Variants in SYNGR4 observed in about 807,000 individuals in gnomAD.
The protein encoded by SYNGR4 is synaptogyrin-4.
SYNGR4 carries 15 observed loss-of-function variants against 15.5 expected under a neutral mutation model. The observed-to-expected ratio is 0.97, with a 90% CI of 0.65 to 1.49. The LOEUF is 1.49. Ranked by LOEUF, SYNGR4 falls within the 40% of genes most tolerant of loss-of-function variation. SYNGR4 has a pLI of 0.00. For missense variants in SYNGR4, 292 were observed against 299.3 expected, an observed-to-expected ratio of 0.98 and a Z score of 0.18; for synonymous variants, 121 against 127.4, an observed-to-expected ratio of 0.95 and a Z score of 0.34.
At position 48,372,575 on chromosome 19, in the gene SYNGR4, C is replaced by T. The variant is rs542851587; in HGVS notation, c.94-942C>T. Among the ~76,000 whole-genome samples the T allele has an allele frequency of 3.7e-4, 56 of 151,682 alleles. 1 individual carries two copies. Among genetic ancestry groups the T allele is most frequent in the African/African-American group, 1.1e-3 (47 of 41,416 alleles). On this transcript the variant is annotated intron_variant, in intron 2 of 4. Coordinates refer to ENST00000344846, the MANE Select transcript of SYNGR4 (RefSeq NM_012451.4). Reference sequence around the variant, plus strand: ...TGAGGCAGGAGAATGGCGTGAACCCCGGGGGCCGGAGCCTGCAGTGAGCCG... The same window carrying T: ...TGAGGCAGGAGAATGGCGTGAACCCTGGGGGCCGGAGCCTGCAGTGAGCCG...
At chr19:48,366,431 G>T (rs972641945) in intron 2 of SYNGR4, among the ~76,000 whole-genome samples, 1 of 151,448 alleles carries the variant, frequency 6.6e-6, no homozygotes, top group Non-Finnish European at 1.5e-5. Context: ...AAACAGTTTC[G>T]CTCTGTTGCC....
At chr19:48,365,168 G>A (rs1970175731) in intron 1 of SYNGR4, among the ~76,000 whole-genome samples, 1 of 150,030 alleles carries the variant, frequency 6.7e-6, no homozygotes, top group South Asian at 2.1e-4. Flanking sequence ...ACCCCTGGCA[G>A]CCCTCCCCAC....
At chr19:48,365,486 C>T (rs1323512688) in intron 1 of SYNGR4, among the ~76,000 whole-genome samples, 2 of 142,642 alleles carry the variant, frequency 1.4e-5, no homozygotes, top group Non-Finnish European at 3.1e-5. Flanking sequence ...CAGAAGCCCC[C>T]TCAGCACACA....
At chr19:48,365,646 C>T in intron 1 of SYNGR4, 90 bp from the exon 2 acceptor site, 3 of 245,048 alleles carry the variant, frequency 1.2e-5, no homozygotes, top group Admixed American at 4.9e-5. Flanking sequence ...CCCCCCCCAT[C>T]CCCACCCCAT....
chr19:48,376,056 G>A (rs1222915243), intron 4 of SYNGR4, 29 bp from the exon 5 acceptor site: 1 of 1,614,036 alleles, frequency 6.2e-7, no homozygotes, highest in East Asian at 2.2e-5. Context: ...GCCCAAGTCA[G>A]CCTTCAGCAC....
At chr19:48,373,442 C>T (rs1970341761) in intron 2 of SYNGR4, 75 bp from the exon 3 acceptor site, 5 of 1,303,608 alleles carry the variant, frequency 3.8e-6, no homozygotes, top group Middle Eastern at 1.8e-4. Flanking sequence ...ACGGAAAGAC[C>T]GACAGCACCA....
intron 2 of SYNGR4, among the ~76,000 whole-genome samples, chr19:48,371,644 C>T (rs1239373379): frequency 6.7e-6 from 1 of 150,354 alleles, no homozygotes; most frequent in Admixed American, 6.6e-5. Context: ...GTGGCACAAT[C>T]AGGGCTTACT....
Position 48,373,592 on chromosome 19 carries a change from T to A in SYNGR4, c.169T>A (p.Cys57Ser). The change falls in exon 3 of 5, where the codon TGC becomes AGC. Residue 57 changes from cysteine (C) to serine (S), a missense_variant. Coordinates refer to ENST00000344846, the MANE Select transcript of SYNGR4 (RefSeq NM_012451.4). ...CAAGATGGAGTCTCCGCAGCTCCAC[T>A]GCATTCTCAACAGCAACAGCGTGGC... ...QNKMESPQLH[C>S]ILNSNSVACS... The A allele has an allele frequency of 6.2e-7, 1 of 1,613,878 alleles. No homozygotes were observed. Among genetic ancestry groups the A allele is most frequent in the Non-Finnish European group, 8.5e-7 (1 of 1,180,000 alleles).
chr19:48,369,310 G>A (rs1569044801), intron 2 of SYNGR4, among the ~76,000 whole-genome samples: 2 of 151,996 alleles, frequency 1.3e-5, no homozygotes, highest in Non-Finnish European at 2.9e-5. Flanking sequence ...GAGGGATAGG[G>A]TCCCTCTAGC....
At position 48,376,080 on chromosome 19, in the gene SYNGR4, C is replaced by A; in HGVS notation, c.472-5C>A. 1 of 1,614,136 alleles carries A rather than the reference C, an allele frequency of 6.2e-7. No homozygotes were observed. Among genetic ancestry groups the A allele is most frequent in the Non-Finnish European group, 8.5e-7 (1 of 1,180,022 alleles). On this transcript the variant is annotated splice_region_variant and splice_polypyrimidine_tract_variant and intron_variant, in intron 4 of 4. Coordinates refer to ENST00000344846, the MANE Select transcript of SYNGR4 (RefSeq NM_012451.4). The stretch of plus-strand genomic sequence containing the variant: ...AGCCTTCAGCACGCGCTTTTCTGCC[C>A]ACAGATATTCCAGGCCTACCTGGCA...
chr19:48,367,076 C>T (rs989448063), intron 2 of SYNGR4, among the ~76,000 whole-genome samples: 3 of 151,634 alleles, frequency 2.0e-5, no homozygotes, highest in Non-Finnish European at 4.4e-5. Context: ...ATGGCTTGAG[C>T]CCATGTGGCG....
At chr19:48,367,431 TAA>T (rs112566804) in intron 2 of SYNGR4, among the ~76,000 whole-genome samples, 5 of 143,432 alleles carry the variant, frequency 3.5e-5, no homozygotes, top group African/African-American at 5.1e-5. Context: ...AGACTCCATT[TAA>T]AAAAAAAAAA....
chr19:48,366,397 A>G (rs544631232), intron 2 of SYNGR4, among the ~76,000 whole-genome samples: 5 of 151,482 alleles, frequency 3.3e-5, no homozygotes, highest in African/African-American at 9.7e-5. Context: ...CTCAAAAAAA[A>G]AAAAAAGAAA....
intron 2 of SYNGR4, 102 bp downstream of exon 2, chr19:48,366,037 A>G: frequency 7.9e-7 from 1 of 1,258,206 alleles, no homozygotes; most frequent in Admixed American, 1.9e-5. Context: ...GGAAGGGGTC[A>G]GACGGGGAAA....
At chr19:48,371,716 T>A (rs1970310378) in intron 2 of SYNGR4, among the ~76,000 whole-genome samples, 1 of 151,770 alleles carries the variant, frequency 6.6e-6, no homozygotes, top group Non-Finnish European at 1.5e-5. Context: ...TACTTGGGAC[T>A]ACGGGTGCAT....
chr19:48,375,025 A>ATT lies in SYNGR4; in HGVS notation c.332-571_332-570dup, dbSNP rs377458221. Reference sequence around the variant, plus strand: ...AATGTGGCCAGTGCAGCTGAGAAACATTTTTTTTTTTTTTTTTTGAGACAG... The same window carrying ATT: ...AATGTGGCCAGTGCAGCTGAGAAACATTTTTTTTTTTTTTTTTTTTGAGACAG... On this transcript the variant is annotated intron_variant, in intron 3 of 4. Transcript: ENST00000344846. 8.5e-3 allele frequency among the ~76,000 whole-genome samples: 1,097 copies of ATT among 129,454 alleles called. 9 individuals carry two copies. The highest frequency in any genetic ancestry group is 9.9e-3 in the African/African-American group (343 of 34,546). 84.9% of individuals were successfully genotyped at this position (129,454 alleles called of 152,430 possible).
chr19:48,367,349 C>T (rs1038516902), intron 2 of SYNGR4, among the ~76,000 whole-genome samples: 3 of 151,426 alleles, frequency 2.0e-5, no homozygotes, highest in Admixed American at 6.6e-5. Context: ...AGGAGAATGG[C>T]GTGAACCCGG....
At chr19:48,373,824 C>T in intron 3 of SYNGR4, 70 bp downstream of exon 3, 2 of 1,504,866 alleles carry the variant, frequency 1.3e-6, no homozygotes, top group East Asian at 2.3e-5. Context: ...CTCCCCAGGG[C>T]CTCCCGGGCA....
At chr19:48,365,678 CAACAGCCCTT>C in intron 1 of SYNGR4, 48 bp from the exon 2 acceptor site, 1 of 574,352 alleles carries the variant, frequency 1.7e-6, no homozygotes, top group Non-Finnish European at 3.0e-6. Context: ...CTGGGGCCCC[CAACAGCCCTT>C]CCACCCCGTG....
Sources: gnomAD v4.1 joint callset for allele counts (sites outside exome capture counted in the v4.1 genomes callset) on GRCh38, gnomAD v4.1.1 for gene constraint, MANE v1.5 for transcripts, NCBI Gene and HGNC (gene_info 2026-07-23, HGNC 2026-07-21) for gene names.